PLPPR3: variants seen among roughly 807,000 people sequenced by gnomAD.
PLPPR3 encodes the protein phospholipid phosphatase-related protein type 3.
In PLPPR3, 14 loss-of-function variants were observed where a neutral mutation model predicts 27.3. That is an observed-to-expected ratio of 0.51 (90% CI 0.34 to 0.80). PLPPR3 has a LOEUF of 0.80. Ranked by LOEUF, PLPPR3 falls within the 30% of genes least tolerant of loss-of-function variation. The probability of loss-of-function intolerance (pLI) is 0.01; values close to 1 mark genes in which losing one functional copy is unlikely to be tolerated. For synonymous variants in PLPPR3, 671 were observed against 508.0 expected, an observed-to-expected ratio of 1.32 and a Z score of -4.32; for missense variants, 1,287 against 1,056.9, an observed-to-expected ratio of 1.22 and a Z score of -3.02.
Position 821,917 on chromosome 19 carries a change from G to C in PLPPR3, c.-29C>G. Reference sequence around the variant, plus strand: ...CCCCCAGCCCCACAGCCCCTCACCTGGCGCGGCCGGCGCCCAGCACAAAGC... The same window carrying C: ...CCCCCAGCCCCACAGCCCCTCACCTCGCGCGGCCGGCGCCCAGCACAAAGC... On this transcript the variant is annotated splice_region_variant and 5_prime_UTR_variant, in exon 1 of 8. Coordinates refer to ENST00000520876, the MANE Select transcript of PLPPR3 (RefSeq NM_001270366.2). The C allele has an allele frequency of 5.4e-6, 1 of 186,494 alleles. No homozygotes were observed. The highest frequency in any genetic ancestry group is 1.1e-5 in the Non-Finnish European group (1 of 91,288). The allele number at this position is 186,494 out of a possible 1,614,324, so 11.6% of individuals were successfully genotyped here. A position where few individuals can be genotyped will look rare whatever the true frequency, so the allele number is the denominator to read the frequency against.
upstream of PLPPR3, among the ~76,000 whole-genome samples, chr19:822,294 G>C (rs1270759320): frequency 6.6e-6 from 1 of 151,828 alleles, no homozygotes; most frequent in South Asian, 2.1e-4. Context: ...CGGGGGCGGA[G>C]GCGGGGGCGG....
chr19:814,764 C>T lies in PLPPR3; in HGVS notation c.600-15G>A. On this transcript the variant is annotated splice_polypyrimidine_tract_variant and intron_variant, in intron 5 of 7. Coordinates refer to ENST00000520876, the MANE Select transcript of PLPPR3 (RefSeq NM_001270366.2). ...GGAAGGTCTTCCTGTAAGAGGCGTC[C>T]AGCGTGAGCCCCGCCCACCTGGGGA... The T allele has an allele frequency of 1.3e-6, 2 of 1,561,498 alleles. No homozygotes were observed. Among genetic ancestry groups the T allele is most frequent in the Non-Finnish European group, 1.7e-6 (2 of 1,158,354 alleles).
At chr19:816,471 C>T (rs1312095805) in intron 2 of PLPPR3, among the ~76,000 whole-genome samples, 1 of 151,228 alleles carries the variant, frequency 6.6e-6, no homozygotes, top group Non-Finnish European at 1.5e-5. Flanking sequence ...ACCGTCCATC[C>T]ATCCATTCAT....
Position 812,894 on chromosome 19 carries a change from G to GGCCCCGCCGCCCGCCGCCTTC in PLPPR3, c.1812_1832dup (p.Ala607_Ala613dup). ...CGTAGCCGCCGTCGGCCTCCGCCTT[G>GGCCCCGCCGCCCGCCGCCTTC]GCCCCGCCGCCCGCCGCCTTCCACT... On this transcript the variant is annotated inframe_insertion, in exon 8 of 8. Transcript: ENST00000520876. The GGCCCCGCCGCCCGCCGCCTTC allele has an allele frequency of 3.2e-6, 4 of 1,267,818 alleles. No individual in the cohort carries two copies. The highest frequency in any genetic ancestry group is 4.0e-6 in the Non-Finnish European group (4 of 1,001,278). 78.5% of individuals were successfully genotyped at this position (1,267,818 alleles called of 1,614,324 possible). A position where few individuals can be genotyped will look rare whatever the true frequency, so the allele number is the denominator to read the frequency against.
rs112519169 is a variant in PLPPR3, at chr19:817,299, T to C, written c.76-1448A>G. On this transcript the variant is annotated intron_variant, in intron 2 of 7. Coordinates refer to ENST00000520876, the MANE Select transcript of PLPPR3 (RefSeq NM_001270366.2). ...AGCCATGGCCTCAAGCCTTTTTTTT[T>C]CCCCCACTCTGTCACGCAGCCTGGA... Among the ~76,000 whole-genome samples, 1,323 of 150,536 alleles carry C rather than the reference T, an allele frequency of 8.8e-3. 21 individuals carry two copies. Among genetic ancestry groups the C allele is most frequent in the African/African-American group, 0.03 (1,223 of 40,536 alleles).
chr19:822,486 G>A (rs965852974), upstream of PLPPR3, among the ~76,000 whole-genome samples: 1 of 152,120 alleles, frequency 6.6e-6, no homozygotes, highest in Non-Finnish European at 1.5e-5. Context: ...CTGGGGGAGG[G>A]GGACTGGGGG....
rs1051263666 is a variant in PLPPR3, at chr19:813,263, C to T, written c.1464G>A (p.Ala488=). 2 of 1,472,236 alleles carry T rather than the reference C, an allele frequency of 1.4e-6. No homozygotes were observed. Among genetic ancestry groups the T allele is most frequent in the South Asian group, 1.3e-5 (1 of 77,108 alleles). 91.2% of individuals were successfully genotyped at this position (1,472,236 alleles called of 1,614,324 possible). ...LGPRVILPPR[A]GPPPLVHIPE... Reference sequence around the variant, plus strand: ...GGATGTGCACCAGCGGCGGCGGCCCCGCGCGCGGTGGGAGGATGACCCGAG... The same window carrying T: ...GGATGTGCACCAGCGGCGGCGGCCCTGCGCGCGGTGGGAGGATGACCCGAG... The change falls in exon 8 of 8, where the codon GCG becomes GCA. Residue 488 remains alanine (A), a synonymous_variant. Coordinates refer to ENST00000520876, the MANE Select transcript of PLPPR3 (RefSeq NM_001270366.2). The surrounding 1 kb of genome is among the most constrained non-coding windows in gnomAD (Gnocchi z 4.1).
At chr19:817,981 A>G (rs2035086450) in intron 2 of PLPPR3, among the ~76,000 whole-genome samples, 1 of 152,046 alleles carries the variant, frequency 6.6e-6, no homozygotes, top group Admixed American at 6.6e-5. Flanking sequence ...CCTGGCAACT[A>G]TCTACTTGTT....
chr19:817,776 C>T (rs534245970), intron 2 of PLPPR3, among the ~76,000 whole-genome samples: 42 of 152,270 alleles, frequency 2.8e-4, no homozygotes, highest in African/African-American at 9.4e-4. Context: ...CATGCAGGCA[C>T]GAGGCCCGGG....
rs1438434893 is a variant in PLPPR3 at position 812,664 on chromosome 19, C to T, written c.2063G>A (p.Arg688His). The T allele has an allele frequency of 9.4e-7, 1 of 1,060,116 alleles. No homozygotes were observed. Among genetic ancestry groups the T allele is most frequent in the Non-Finnish European group, 1.1e-6 (1 of 876,330 alleles). 65.7% of individuals were successfully genotyped at this position (1,060,116 alleles called of 1,614,324 possible). ...CGCCAGCCCCAGGCCGCCCGCGTGG[C>T]GCCGCAGCGTGGACTCCCGGCTGCC... ...GPGSRESTLR[R>H]HAGGLGLAER... The change falls in exon 8 of 8, where the codon CGC becomes CAC. Residue 688 changes from arginine (R) to histidine (H), a missense_variant. By Grantham distance (29) the Arg-to-His change is conservative. Coordinates refer to ENST00000520876, the MANE Select transcript of PLPPR3 (RefSeq NM_001270366.2).
rs749553357 is a variant in PLPPR3, at chr19:814,518, C to G, written c.747G>C (p.Gly249=). 1.9e-6 allele frequency: 3 copies of G among 1,611,440 alleles called. No individual in the cohort carries two copies. Among genetic ancestry groups the G allele is most frequent in the Admixed American group, 1.7e-5 (1 of 60,000 alleles). The change falls in exon 7 of 8, where the codon GGG becomes GGC. Residue 249 remains glycine (G), a synonymous_variant. Transcript: ENST00000520876. ...TGCGGTACTGCGTGATCTGCGTGAG[C>G]CCGCATACGCCCGCGGCGATGGCAA... ...FAFAIAAGVC[G]LTQITQYRSH...
At chr19:818,724 G>A (rs890564471) in intron 2 of PLPPR3, among the ~76,000 whole-genome samples, 4 of 151,826 alleles carry the variant, frequency 2.6e-5, no homozygotes, top group African/African-American at 7.3e-5. Context: ...TAGTAGAGAC[G>A]GGGTTTCACC....
intron 4 of PLPPR3, 50 bp downstream of exon 4, chr19:815,135 AC>A (rs761349226): frequency 8.1e-6 from 13 of 1,600,074 alleles, no homozygotes; most frequent in East Asian, 2.2e-5. Context: ...GGACAGCCCC[AC>A]CCCCTGCATG....
chr19:819,569 T>C (rs930789550), intron 2 of PLPPR3, among the ~76,000 whole-genome samples: 5 of 151,914 alleles, frequency 3.3e-5, no homozygotes, highest in African/African-American at 1.2e-4. Flanking sequence ...GGATTATAGG[T>C]GTGAGCCACC....
intron 2 of PLPPR3, among the ~76,000 whole-genome samples, chr19:820,937 G>A (rs968332181): frequency 7.2e-5 from 11 of 152,184 alleles, no homozygotes; most frequent in African/African-American, 2.7e-4. Context: ...GATTACAGGC[G>A]TGAGCCACCG....
chr19:814,459 A>G lies in PLPPR3; in HGVS notation c.806T>C (p.Ile269Thr), dbSNP rs746170133. The G allele has an allele frequency of 1.9e-6, 3 of 1,605,682 alleles. No individual in the cohort carries two copies. Among genetic ancestry groups the G allele is most frequent in the Admixed American group, 1.7e-5 (1 of 59,932 alleles). The change falls in exon 7 of 8, where the codon ATC (isoleucine) becomes ACC (threonine). Residue 269 changes from isoleucine (I) to threonine (T), a missense_variant. Coordinates refer to ENST00000520876, the MANE Select transcript of PLPPR3 (RefSeq NM_001270366.2). ...HPVDVYAGFL[I>T]GAGIAAYLAC... is the part of the protein sequence containing the mutation. Reference sequence around the variant, plus strand: ...CAGGTAGGCAGCGATGCCCGCCCCGATGAGGAAGCCGGCATACACGTCCAC... The same window carrying G: ...CAGGTAGGCAGCGATGCCCGCCCCGGTGAGGAAGCCGGCATACACGTCCAC...
chr19:813,886 C>T lies in PLPPR3; in HGVS notation c.841G>A (p.Ala281Thr), dbSNP rs1357759717. 4 of 1,432,900 alleles carry T rather than the reference C, an allele frequency of 2.8e-6. No homozygotes were observed. The highest frequency in any genetic ancestry group is 2.9e-5 in the African/African-American group (2 of 67,924). The allele number at this position is 1,432,900 out of a possible 1,614,324, so 88.8% of individuals were successfully genotyped here. The change falls in exon 8 of 8, where the codon GCG becomes ACG. Residue 281 changes from alanine to threonine, a missense_variant. Transcript: ENST00000520876. The surrounding 1 kb of genome is among the most constrained non-coding windows in gnomAD (Gnocchi z 4.1). ...GGTGGGGCCTGGAAGTTGCCCACCG[C>T]GTGGCAGGCCTGTCGGGGAGAGGGG... is the stretch of plus-strand genomic sequence containing the variant. ...AGIAAYLACH[A>T]VGNFQAPPAE... is the part of the protein sequence containing the mutation.
upstream of PLPPR3, among the ~76,000 whole-genome samples, chr19:822,783 T>A (rs1049787322): frequency 4.6e-5 from 7 of 152,098 alleles, no homozygotes; most frequent in African/African-American, 1.7e-4. Context: ...GCACCCTGGG[T>A]CGCAATCCGA....
chr19:812,808 C>T lies in PLPPR3; in HGVS notation c.1919G>A (p.Gly640Asp). 9.1e-7 allele frequency: 1 copy of T among 1,097,362 alleles called. No individual in the cohort carries two copies. Among genetic ancestry groups the T allele is most frequent in the Non-Finnish European group, 1.1e-6 (1 of 900,978 alleles). The allele number at this position is 1,097,362 out of a possible 1,614,324, so 68.0% of individuals were successfully genotyped here. ...GGAKPPGVSP[G>D]SSVSDVDQEE... ...CTGGTCCACGTCGCTGACCGACGAG[C>T]CGGGGGACACGCCCGGGGGCTTGGC... Residue 640 changes from glycine to aspartate, a missense_variant, in exon 8 of 8, where the codon GGC becomes GAC. Coordinates refer to ENST00000520876, the MANE Select transcript of PLPPR3 (RefSeq NM_001270366.2).
Sources: allele counts gnomAD v4.1 joint callset (sites outside exome capture counted in the v4.1 genomes callset), GRCh38; gene constraint gnomAD v4.1.1; non-coding constraint Gnocchi (gnomAD v3.1); transcripts MANE v1.5; gene names NCBI Gene and HGNC (gene_info 2026-07-23, HGNC 2026-07-21).